PDGFC: variants seen among roughly 807,000 people sequenced by gnomAD.
PDGFC encodes platelet-derived growth factor C.
In PDGFC, 12 loss-of-function variants were observed where a neutral mutation model predicts 35.5. The observed-to-expected ratio is 0.34, with a 90% confidence interval of 0.22 to 0.55. The LOEUF (loss-of-function observed/expected upper bound fraction) is 0.55. Ranked by LOEUF, PDGFC falls within the 20% of genes least tolerant of loss-of-function variation. PDGFC has a pLI of 0.91. For synonymous variants in PDGFC, 159 were observed against 148.8 expected (o/e 1.07, Z -0.50); for missense variants, 322 against 412.4 (o/e 0.78, Z 1.90).
intron 2 of PDGFC, among the ~76,000 whole-genome samples, chr4:156,822,313 T>C (rs565868531): frequency 1.4e-5 from 2 of 141,992 alleles, no homozygotes; most frequent in Non-Finnish European, 3.0e-5. Context: ...GAGCCGAGAT[T>C]GCGCCACTGC....
At chr4:156,815,749 C>G (rs960326261) in intron 2 of PDGFC, among the ~76,000 whole-genome samples, 10 of 152,100 alleles carry the variant, frequency 6.6e-5, no homozygotes, top group African/African-American at 2.2e-4. Flanking sequence ...ACATGGTAAT[C>G]CTTATAATAC....
At chr4:156,859,790 T>C (rs1371821665) in intron 1 of PDGFC, among the ~76,000 whole-genome samples, 10 of 152,118 alleles carry the variant, frequency 6.6e-5, no homozygotes, top group Admixed American at 6.6e-4. Context: ...TTGCTTAAAT[T>C]TTATTTCTCA....
intron 1 of PDGFC, among the ~76,000 whole-genome samples, chr4:156,959,270 C>T (rs772244653): frequency 6.6e-6 from 1 of 151,726 alleles, no homozygotes; most frequent in African/African-American, 2.4e-5. Flanking sequence ...AACAAATAAA[C>T]AAAAAATAAG....
chr4:156,771,625 T>C (rs1047488704), intron 4 of PDGFC, among the ~76,000 whole-genome samples: 4 of 152,156 alleles, frequency 2.6e-5, no homozygotes, highest in South Asian at 2.1e-4. Flanking sequence ...AGTCTGAACA[T>C]GACCTGCTGA....
At chr4:156,813,314 G>T (rs1215329485) in intron 2 of PDGFC, among the ~76,000 whole-genome samples, 1 of 152,006 alleles carries the variant, frequency 6.6e-6, no homozygotes, top group Non-Finnish European at 1.5e-5. Flanking sequence ...CTGATTTGGC[G>T]CAAACTGCTC....
At chr4:156,960,582 T>C (rs1447582325) in intron 1 of PDGFC, among the ~76,000 whole-genome samples, 1 of 151,886 alleles carries the variant, frequency 6.6e-6, no homozygotes, top group Non-Finnish European at 1.5e-5. Context: ...TGTAGAGATG[T>C]CACTGCCTAT....
intron 5 of PDGFC, among the ~76,000 whole-genome samples, chr4:156,765,164 T>C (rs1028546070): frequency 6.6e-6 from 1 of 152,168 alleles, no homozygotes; most frequent in African/African-American, 2.4e-5. Flanking sequence ...ATTCTAATGG[T>C]GGAGGACACA....
At chr4:156,928,923 G>A (rs935089045) in intron 1 of PDGFC, among the ~76,000 whole-genome samples, 4 of 152,250 alleles carry the variant, frequency 2.6e-5, no homozygotes, top group African/African-American at 7.2e-5. Context: ...AACAATACAC[G>A]ATTGTACTTA....
At chr4:156,826,870 T>C (rs1307105229) in intron 2 of PDGFC, among the ~76,000 whole-genome samples, 5 of 152,148 alleles carry the variant, frequency 3.3e-5, no homozygotes, top group South Asian at 4.1e-4. Context: ...GTGATGTCCA[T>C]GAAAATGAAA....
At chr4:156,852,143 A>G (rs1729473173) in intron 1 of PDGFC, among the ~76,000 whole-genome samples, 1 of 152,116 alleles carries the variant, frequency 6.6e-6, no homozygotes, top group African/African-American at 2.4e-5. Context: ...ATATAGTGCA[A>G]CTTTTATATA....
chr4:156,884,496 T>C (rs1309036694), intron 1 of PDGFC, among the ~76,000 whole-genome samples: 2 of 152,218 alleles, frequency 1.3e-5, no homozygotes, highest in Non-Finnish European at 2.9e-5. Context: ...TCCAGCCATA[T>C]ATCTAACAGT....
At chr4:156,784,341 T>C (rs1010640445) in intron 3 of PDGFC, among the ~76,000 whole-genome samples, 2 of 152,090 alleles carry the variant, frequency 1.3e-5, no homozygotes, top group Admixed American at 6.6e-5. Flanking sequence ...CTTAGTGATT[T>C]TTCCTCCCAA....
At chr4:156,884,775 T>C (rs1174330667) in intron 1 of PDGFC, among the ~76,000 whole-genome samples, 3 of 152,204 alleles carry the variant, frequency 2.0e-5, no homozygotes, top group Admixed American at 6.5e-5. Context: ...TGATACCACA[T>C]ATACATAATA....
At chr4:156,885,103 G>A (rs1730342263) in intron 1 of PDGFC, among the ~76,000 whole-genome samples, 1 of 151,942 alleles carries the variant, frequency 6.6e-6, no homozygotes, top group Non-Finnish European at 1.5e-5. Context: ...TCGTAACCTA[G>A]GCAGAAATAG....
chr4:156,811,962 C>T (rs1300096181), intron 2 of PDGFC, among the ~76,000 whole-genome samples: 1 of 152,076 alleles, frequency 6.6e-6, no homozygotes, highest in Non-Finnish European at 1.5e-5. Flanking sequence ...AAATATTTCA[C>T]TGGACATTTC....
chr4:156,778,978 G>A, intron 3 of PDGFC: 1 of 313,152 alleles, frequency 3.2e-6, no homozygotes, highest in Non-Finnish European at 6.4e-6. Context: ...AAATGATCAG[G>A]TGTTTAAGAG....
chr4:156,858,006 A>G (rs190593800), intron 1 of PDGFC, among the ~76,000 whole-genome samples: 7 of 152,252 alleles, frequency 4.6e-5, no homozygotes, highest in African/African-American at 1.4e-4. Flanking sequence ...TATTAAGCCA[A>G]TAAGAGTTAG....
At chr4:156,841,482 A>C (rs1729202942) in intron 2 of PDGFC, 1 of 151,750 alleles carries the variant, frequency 6.6e-6, no homozygotes, top group Admixed American at 6.6e-5. Context: ...TTTCCTTTAC[A>C]AATTACCCAG....
chr4:156,789,976 C>CAAA (rs750843965), intron 3 of PDGFC, among the ~76,000 whole-genome samples: 804 of 55,678 alleles, frequency 0.014, 32 homozygotes, highest in South Asian at 0.055. Context: ...GTCTCCATCT[C>CAAA]AAAAAAAAAA....
Sources: gnomAD v4.1 joint callset for allele counts (sites outside exome capture counted in the v4.1 genomes callset) on GRCh38, gnomAD v4.1.1 for gene constraint, MANE v1.5 for transcripts, NCBI Gene and HGNC (gene_info 2026-07-23, HGNC 2026-07-21) for gene names.